STK33: variants seen among roughly 807,000 people sequenced by gnomAD.
STK33 encodes the protein serine/threonine-protein kinase 33.
Under a neutral mutation model 58.0 loss-of-function variants are expected in STK33, and 52 were observed. The ratio of observed to expected loss-of-function variants is 0.90; its 90% CI spans 0.72 to 1.13. STK33 has a LOEUF of 1.13. STK33 is among the 50% of genes most tolerant of loss of function. The pLI is 0.00. For missense variants in STK33, 630 were observed against 604.2 expected (o/e 1.04, Z -0.45); for synonymous variants, 215 against 200.1 (o/e 1.07, Z -0.63).
intron 1 of STK33, among the ~76,000 whole-genome samples, chr11:8,569,821 G>A (rs895573083): frequency 1.3e-5 from 2 of 152,036 alleles, no homozygotes; most frequent in African/African-American, 4.8e-5. Flanking sequence ...GCCAGGCATG[G>A]TGGCACACTC....
chr11:8,560,027 T>C (rs61025550), intron 1 of STK33, among the ~76,000 whole-genome samples: 1 of 152,270 alleles, frequency 6.6e-6, no homozygotes, highest in African/African-American at 2.4e-5. Context: ...TTCTAAATTA[T>C]TTAACAAGTC....
At chr11:8,497,364 C>A (rs756840971) in intron 1 of STK33, among the ~76,000 whole-genome samples, 1 of 152,172 alleles carries the variant, frequency 6.6e-6, no homozygotes. Context: ...AGAGAAGCAA[C>A]TTATCACATA....
chr11:8,583,287 T>C (rs1351903124), intron 1 of STK33, among the ~76,000 whole-genome samples: 1 of 152,186 alleles, frequency 6.6e-6, no homozygotes, highest in Non-Finnish European at 1.5e-5. Context: ...AGGTCTTCAC[T>C]ATCCCAGTCC....
intron 15 of STK33, among the ~76,000 whole-genome samples, chr11:8,402,790 C>A (rs1438460171): frequency 6.6e-6 from 1 of 152,158 alleles, no homozygotes; most frequent in Non-Finnish European, 1.5e-5. Context: ...CAAATTCCAG[C>A]TTCCAAGCTT....
chr11:8,449,633 G>A (rs534446702), intron 11 of STK33, among the ~76,000 whole-genome samples: 7 of 148,848 alleles, frequency 4.7e-5, no homozygotes, highest in African/African-American at 1.8e-4. Context: ...GGCCTGTTGT[G>A]GGGTGGGTGG....
At chr11:8,519,558 GA>G (rs1953179631) in intron 1 of STK33, among the ~76,000 whole-genome samples, 3 of 152,148 alleles carry the variant, frequency 2.0e-5, no homozygotes, top group Non-Finnish European at 4.4e-5. Flanking sequence ...CCAGGAGCTA[GA>G]TTTTGGAAAT....
At chr11:8,450,491 C>T (rs531376113) in intron 11 of STK33, among the ~76,000 whole-genome samples, 2 of 151,968 alleles carry the variant, frequency 1.3e-5, no homozygotes, top group South Asian at 4.2e-4. Flanking sequence ...ACCACCATGG[C>T]ACATGTATAC....
the STK33 span, among the ~76,000 whole-genome samples, chr11:8,375,644 C>T: frequency 6.6e-6 from 1 of 152,146 alleles, no homozygotes. Flanking sequence ...AAAGTGGAGG[C>T]AGATCAGTGA....
At chr11:8,560,952 G>C (rs143304202) in intron 1 of STK33, among the ~76,000 whole-genome samples, 1 of 152,092 alleles carries the variant, frequency 6.6e-6, no homozygotes, top group South Asian at 2.1e-4. Flanking sequence ...CTCTCTCCAC[G>C]AAGATAAATG....
chr11:8,492,453 A>G (rs1422848484), intron 1 of STK33, among the ~76,000 whole-genome samples: 1 of 152,140 alleles, frequency 6.6e-6, no homozygotes, highest in African/African-American at 2.4e-5. Flanking sequence ...AAAGCAAGTC[A>G]TTAGAGAACT....
At position 8,435,572 on chromosome 11, in the gene STK33, A is replaced by G; in HGVS notation, c.1068T>C (p.Ser356=). The change falls in exon 14 of 16, where the codon AGT becomes AGC. Residue 356 remains serine (S), a synonymous_variant. Transcript: ENST00000687296. ...VWNSISDCAK[S]VLKQLMKVDP... is the part of the protein sequence containing the mutation. ...CTACTTTCATAAGTTGTTTCAAAAC[A>G]CTTTTAGCTAAAAATAAGAAAAAAA... 1 of 1,495,654 alleles carries G rather than the reference A, an allele frequency of 6.7e-7. No individual in the cohort carries two copies. Among genetic ancestry groups the G allele is most frequent in the South Asian group, 1.5e-5 (1 of 67,930 alleles). 92.6% of individuals were successfully genotyped at this position (1,495,654 alleles called of 1,614,324 possible). A position where few individuals can be genotyped will look rare whatever the true frequency, so the allele number is the denominator to read the frequency against.
chr11:8,553,833 C>A (rs1391799984), intron 1 of STK33, among the ~76,000 whole-genome samples: 2 of 152,010 alleles, frequency 1.3e-5, no homozygotes, highest in Non-Finnish European at 2.9e-5. Context: ...AAATATAAGA[C>A]CCGAAACTAT....
downstream of STK33, among the ~76,000 whole-genome samples, chr11:8,390,818 C>A (rs1009174474): frequency 2.0e-5 from 3 of 152,156 alleles, no homozygotes; most frequent in Non-Finnish European, 4.4e-5. Flanking sequence ...TGAGCAGAAT[C>A]GCTAATTTTT....
chr11:8,335,836 C>G, the STK33 span, among the ~76,000 whole-genome samples: 2 of 152,192 alleles, frequency 1.3e-5, no homozygotes, highest in African/African-American at 4.8e-5. Flanking sequence ...TCACAGAAAT[C>G]TAGCGTGTAT....
chr11:8,365,252 G>C, the STK33 span, among the ~76,000 whole-genome samples: 1 of 152,084 alleles, frequency 6.6e-6, no homozygotes, highest in Admixed American at 6.5e-5. Context: ...CCTTATTCTG[G>C]GGCTGCTGGA....
chr11:8,550,993 GA>G (rs1216450640), intron 1 of STK33, among the ~76,000 whole-genome samples: 5 of 152,080 alleles, frequency 3.3e-5, no homozygotes, highest in Admixed American at 2.6e-4. Context: ...AAGAAAAAGA[GA>G]TTTAATGGAC....
chr11:8,523,700 TG>T (rs201826209), intron 1 of STK33, among the ~76,000 whole-genome samples: 25,446 of 145,392 alleles, frequency 0.18, 2,604 homozygotes, highest in South Asian at 0.32. Context: ...TTCCGGGAGG[TG>T]GGGGGTGCCT....
At chr11:8,538,238 T>C (rs150000022) in intron 1 of STK33, among the ~76,000 whole-genome samples, 3 of 152,262 alleles carry the variant, frequency 2.0e-5, no homozygotes, top group Non-Finnish European at 4.4e-5. Flanking sequence ...TAGCATGATG[T>C]GTCAGGCACT....
intron 14 of STK33, among the ~76,000 whole-genome samples, chr11:8,418,169 T>A (rs749511379): frequency 6.6e-6 from 1 of 152,080 alleles, no homozygotes; most frequent in Non-Finnish European, 1.5e-5. Context: ...TCACAGGGGT[T>A]CGTTGGACAG....
Sources: gnomAD v4.1 joint callset for allele counts (sites outside exome capture counted in the v4.1 genomes callset) on GRCh38, gnomAD v4.1.1 for gene constraint, MANE v1.5 for transcripts, NCBI Gene and HGNC (gene_info 2026-07-23, HGNC 2026-07-21) for gene names.